JMJD1C: variants seen among roughly 807,000 people sequenced by gnomAD.
JMJD1C encodes jumonji domain containing 1C, also known as jumonji domain-containing protein 1C.
In JMJD1C, 31 loss-of-function variants were observed where a neutral mutation model predicts 245.3. That is an observed-to-expected ratio of 0.13 (90% CI 0.09 to 0.17). The LOEUF (loss-of-function observed/expected upper bound fraction) is 0.17. Among genes scored for constraint, JMJD1C ranks in the 10% least tolerant of loss-of-function variants. The pLI is 1.00. For missense variants in JMJD1C, 2,691 were observed against 3,000.2 expected (o/e 0.90, Z 2.41); for synonymous variants, 1,057 against 1,017.4 (o/e 1.04, Z -0.74).
At chr10:63,509,980 T>C (rs1954826937) in intron 1 of JMJD1C, among the ~76,000 whole-genome samples, 1 of 150,728 alleles carries the variant, frequency 6.6e-6, no homozygotes, top group South Asian at 2.1e-4. Context: ...TTTCCTAATG[T>C]GGAACTTTAG....
chr10:63,282,755 C>T (rs1338243944), intron 2 of JMJD1C, among the ~76,000 whole-genome samples: 5 of 152,288 alleles, frequency 3.3e-5, no homozygotes, highest in Middle Eastern at 3.4e-3. Context: ...CTTGCTCTAT[C>T]GCCCAGGCTG....
chr10:63,491,753 C>A lies in JMJD1C; in HGVS notation n.113+29985G>T, dbSNP rs539898511. Among the ~76,000 whole-genome samples, 244 of 152,338 alleles carry A rather than the reference C, an allele frequency of 1.6e-3. 1 individual carries two copies. In the Middle Eastern group the frequency reaches 0.017, roughly 11 times the overall value. ...ATAACAGCTTATAGCTACAACCCCC[C>A]TCCAGGGAAAAAGCAGGTTTGGGCT... is the stretch of plus-strand genomic sequence containing the variant. On this transcript the variant is annotated intron_variant and non_coding_transcript_variant, in intron 1 of 3. Transcript: ENST00000633035.
chr10:63,466,339 A>C (rs866618536), upstream of JMJD1C: 1 of 153,062 alleles, frequency 6.5e-6, no homozygotes, highest in Non-Finnish European at 1.5e-5. Context: ...CCGCGGTTTG[A>C]TGTTCAGAGC....
At chr10:63,486,069 G>T (rs1338646478) in intron 1 of JMJD1C, among the ~76,000 whole-genome samples, 2 of 143,492 alleles carry the variant, frequency 1.4e-5, no homozygotes, top group Non-Finnish European at 3.0e-5. Flanking sequence ...ACGTGACAAA[G>T]CCTGAAGAAT....
At position 63,173,749 on chromosome 10, in the gene JMJD1C, T is replaced by A. The variant is rs138955600; in HGVS notation, c.7401+2548A>T. Among the ~76,000 whole-genome samples the A allele has an allele frequency of 3.3e-3, 488 of 147,876 alleles. 3 individuals carry two copies. Among genetic ancestry groups the A allele is most frequent in the African/African-American group, 0.012 (473 of 40,790 alleles). Reference sequence around the variant, plus strand: ...AAAAAATGGAAAAATGAAAAAAAAATGCTCTTTGAAAAGAGAAGCTACAGG... The same window carrying A: ...AAAAAATGGAAAAATGAAAAAAAAAAGCTCTTTGAAAAGAGAAGCTACAGG... On this transcript the variant is annotated intron_variant, in intron 24 of 25. Transcript: ENST00000399262.
At chr10:63,344,655 T>C (rs1320527851) in intron 2 of JMJD1C, among the ~76,000 whole-genome samples, 1 of 151,960 alleles carries the variant, frequency 6.6e-6, no homozygotes, top group Non-Finnish European at 1.5e-5. Flanking sequence ...AAAGAGGACA[T>C]ACATTCAAAG....
At chr10:63,217,031 C>T (rs1456256814) in intron 5 of JMJD1C, among the ~76,000 whole-genome samples, 176 bp downstream of exon 5, 1 of 152,066 alleles carries the variant, frequency 6.6e-6, no homozygotes, top group Admixed American at 6.6e-5. Flanking sequence ...TTGCTGTCTC[C>T]CTATGACCTG....
chr10:63,277,599 T>C (rs936961520), intron 2 of JMJD1C, among the ~76,000 whole-genome samples: 1 of 152,144 alleles, frequency 6.6e-6, no homozygotes, highest in African/African-American at 2.4e-5. Flanking sequence ...GATGGTATAT[T>C]CTGGTCTCTT....
chr10:63,188,489 G>A (rs895874227), intron 18 of JMJD1C, among the ~76,000 whole-genome samples: 12 of 152,296 alleles, frequency 7.9e-5, no homozygotes, highest in African/African-American at 2.6e-4. Flanking sequence ...CTATGACAGA[G>A]ACTGCGTCTC....
chr10:63,267,297 T>C (rs1175475925), intron 2 of JMJD1C, among the ~76,000 whole-genome samples: 4 of 152,234 alleles, frequency 2.6e-5, no homozygotes, highest in Admixed American at 1.3e-4. Context: ...TATGAAGTGA[T>C]ATTAAAATAC....
chr10:63,467,260 GCACTTT>G (rs139818946), upstream of JMJD1C, among the ~76,000 whole-genome samples: 4,536 of 152,190 alleles, frequency 0.03, 238 homozygotes, highest in African/African-American at 0.1. Context: ...TGTAATCCCT[GCACTTT>G]AGGAGGCAGA....
chr10:63,445,923 T>A (rs999409830), intron 1 of JMJD1C, among the ~76,000 whole-genome samples: 2 of 128,358 alleles, frequency 1.6e-5, no homozygotes, highest in Non-Finnish European at 3.1e-5. Flanking sequence ...TTACCTAGGC[T>A]GGAGTGCAGT....
At chr10:63,243,421 G>C (rs537126529) in intron 3 of JMJD1C, among the ~76,000 whole-genome samples, 6 of 152,086 alleles carry the variant, frequency 3.9e-5, no homozygotes, top group African/African-American at 1.4e-4. Context: ...AGCTACTTGG[G>C]AGGCTGAGGC....
At chr10:63,390,803 T>A (rs150080215) in intron 1 of JMJD1C, among the ~76,000 whole-genome samples, 24 of 152,294 alleles carry the variant, frequency 1.6e-4, no homozygotes, top group African/African-American at 4.8e-4. Flanking sequence ...CATCCCTTCA[T>A]AATAAAAACT....
intron 1 of JMJD1C, among the ~76,000 whole-genome samples, chr10:63,392,726 G>A (rs1437876993): frequency 6.8e-6 from 1 of 147,054 alleles, no homozygotes; most frequent in African/African-American, 2.5e-5. Flanking sequence ...TCGGGAGGCT[G>A]AAGCAAGAGA....
At chr10:63,470,000 T>G (rs559141030), upstream of JMJD1C, among the ~76,000 whole-genome samples, 1 of 152,284 alleles carries the variant, frequency 6.6e-6, no homozygotes, top group Admixed American at 6.5e-5. Flanking sequence ...TAATGATAAA[T>G]TAACTCAAAT....
intron 1 of JMJD1C, among the ~76,000 whole-genome samples, chr10:63,441,094 GGAAAAAGGCACAAACA>G (rs1193437322): frequency 6.6e-6 from 1 of 152,098 alleles, no homozygotes; most frequent in African/African-American, 2.4e-5. Flanking sequence ...AGGGATTGTA[GGAAAAAGGCACAAACA>G]GAAAAAGGCC....
chr10:63,176,725 T>A, intron 23 of JMJD1C: 1 of 355,800 alleles, frequency 2.8e-6, no homozygotes, highest in South Asian at 6.5e-5. Context: ...CCTTCCACTA[T>A]GAAGTTTCCA....
intron 13 of JMJD1C, among the ~76,000 whole-genome samples, chr10:63,195,960 G>A (rs1289835015): frequency 6.7e-6 from 1 of 148,500 alleles, no homozygotes; most frequent in African/African-American, 2.5e-5. Flanking sequence ...ACGGTAACAA[G>A]ACTATACTTT....
Sources: gnomAD v4.1 joint callset for allele counts (sites outside exome capture counted in the v4.1 genomes callset) on GRCh38, gnomAD v4.1.1 for gene constraint, MANE v1.5 for transcripts, NCBI Gene and HGNC (gene_info 2026-07-23, HGNC 2026-07-21) for gene names.